Variants in UBAP1 observed in about 807,000 individuals in gnomAD.
UBAP1 encodes the protein ubiquitin-associated protein 1.
UBAP1 carries 5 observed loss-of-function variants against 39.0 expected under a neutral mutation model. The observed-to-expected ratio is 0.13, with a 90% CI of 0.07 to 0.27. The LOEUF (loss-of-function observed/expected upper bound fraction) is 0.27. Ranked by LOEUF, UBAP1 falls within the 10% of genes least tolerant of loss-of-function variation. The pLI is 1.00. For synonymous variants in UBAP1, 211 were observed against 225.1 expected, an observed-to-expected ratio of 0.94 and a Z score of 0.56; for missense variants, 490 against 608.1, an observed-to-expected ratio of 0.81 and a Z score of 2.04.
chr9:34,185,378 C>G (rs62556563), intron 1 of UBAP1, among the ~76,000 whole-genome samples: 1 of 152,126 alleles, frequency 6.6e-6, no homozygotes, highest in African/African-American at 2.4e-5. Flanking sequence ...TGAGACCTGT[C>G]TCTACAGAAG....
chr9:34,199,923 G>C (rs920266186), intron 1 of UBAP1, among the ~76,000 whole-genome samples: 3 of 151,236 alleles, frequency 2.0e-5, no homozygotes, highest in African/African-American at 7.3e-5. Flanking sequence ...TGAGATTACA[G>C]GTGTGAACCA....
At chr9:34,187,328 A>G (rs151160812) in intron 1 of UBAP1, among the ~76,000 whole-genome samples, 10 of 152,296 alleles carry the variant, frequency 6.6e-5, no homozygotes, top group African/African-American at 2.2e-4. Context: ...TTTATTTCCA[A>G]TATTTGCTTG....
chr9:34,197,211 C>T (rs887856291), intron 1 of UBAP1, among the ~76,000 whole-genome samples: 3 of 151,596 alleles, frequency 2.0e-5, no homozygotes, highest in African/African-American at 7.3e-5. Flanking sequence ...CAGATGTGAG[C>T]CACTGTGCCC....
rs1834028700 is a variant in UBAP1 at position 34,242,827 on chromosome 9, C to T, written c.1083+719C>T. Among the ~76,000 whole-genome samples the T allele has an allele frequency of 2.0e-5, 3 of 152,242 alleles. No homozygotes were observed. The South Asian group carries it at 6.2e-4, about 32-fold the overall frequency. ...GGGGTGAGCCGCTGTGTCCGGCCAG[C>T]TTACAGATTTTTTAATGTAAAAGCA... is the stretch of plus-strand genomic sequence containing the variant. On this transcript the variant is annotated intron_variant, in intron 4 of 6. Coordinates refer to ENST00000297661, the MANE Select transcript of UBAP1 (RefSeq NM_016525.5).
chr9:34,212,178 G>A (rs1832054354), intron 1 of UBAP1: 2 of 189,348 alleles, frequency 1.1e-5, no homozygotes. Context: ...TACATTAGTG[G>A]CAAACATTTC....
chr9:34,230,942 C>T (rs2131601019), intron 2 of UBAP1, among the ~76,000 whole-genome samples: 1 of 151,986 alleles, frequency 6.6e-6, no homozygotes, highest in South Asian at 2.1e-4. Context: ...ATTTGAGAGG[C>T]CGAGGCGGGA....
Position 34,242,089 on chromosome 9 carries a change from C to G in UBAP1, c.1064C>G (p.Pro355Arg), listed in dbSNP as rs1290140743. The change falls in exon 4 of 7, where the codon CCT (proline) becomes CGT (arginine). Residue 355 changes from proline (P) to arginine (R), a missense_variant. Physicochemically the swap from Pro to Arg is moderately radical, Grantham distance 103. Coordinates refer to ENST00000297661, the MANE Select transcript of UBAP1 (RefSeq NM_016525.5). The part of the protein sequence containing the change: ...VLSVCTEESS[P>R]PNTGPTVTPP... The stretch of plus-strand genomic sequence containing the variant: ...TCTGTGTGCACAGAGGAATCATCAC[C>G]TCCAAATACTGGTCCCACGGTAAGT... The G allele has an allele frequency of 6.9e-6, 11 of 1,597,102 alleles. No homozygotes were observed. The highest frequency in any genetic ancestry group is 1.3e-5 in the African/African-American group (1 of 74,594).
chr9:34,203,322 G>C (rs373946568), intron 1 of UBAP1, among the ~76,000 whole-genome samples: 1 of 152,096 alleles, frequency 6.6e-6, no homozygotes, highest in African/African-American at 2.4e-5. Flanking sequence ...TAAAAACAAG[G>C]ATCAACAAAA....
At chr9:34,237,721 C>T (rs1347601987) in intron 3 of UBAP1, among the ~76,000 whole-genome samples, 1 of 152,002 alleles carries the variant, frequency 6.6e-6, no homozygotes, top group Non-Finnish European at 1.5e-5. Flanking sequence ...GCATGCACCA[C>T]CATGCCTGGC....
At chr9:34,203,664 A>T (rs980359509) in intron 1 of UBAP1, among the ~76,000 whole-genome samples, 2 of 152,250 alleles carry the variant, frequency 1.3e-5, no homozygotes, top group African/African-American at 4.8e-5. Flanking sequence ...TAAATATTTA[A>T]TAGAACTTTA....
At chr9:34,197,117 G>A (rs1344120118) in intron 1 of UBAP1, among the ~76,000 whole-genome samples, 2 of 151,972 alleles carry the variant, frequency 1.3e-5, no homozygotes, top group South Asian at 2.1e-4. Flanking sequence ...TAGTAGAGAC[G>A]GGGTTTCACT....
chr9:34,200,261 G>A (rs920052964), intron 1 of UBAP1, among the ~76,000 whole-genome samples: 5 of 152,152 alleles, frequency 3.3e-5, no homozygotes, highest in African/African-American at 1.2e-4. Context: ...GTCCCACATT[G>A]ATTTATTTTG....
rs1834553093 is a variant in UBAP1 at position 34,251,824 on chromosome 9, C to T, written c.*292C>T. 4.2e-6 allele frequency: 1 copy of T among 239,112 alleles called. No homozygotes were observed. The highest frequency in any genetic ancestry group is 8.4e-6 in the Non-Finnish European group (1 of 119,596). The allele number at this position is 239,112 out of a possible 1,614,324, so 14.8% of individuals were successfully genotyped here. On this transcript the variant is annotated 3_prime_UTR_variant, in exon 7 of 7. Coordinates refer to ENST00000297661, the MANE Select transcript of UBAP1 (RefSeq NM_016525.5). ...AGCCCTCCGGAGAGACTACCCTAGTCTTTCTGGGGTGTTTATGTCCTCAGC... is the reference window on the plus strand; with the variant it reads ...AGCCCTCCGGAGAGACTACCCTAGTTTTTCTGGGGTGTTTATGTCCTCAGC...
intron 4 of UBAP1, among the ~76,000 whole-genome samples, chr9:34,248,331 G>A (rs1238566093): frequency 6.6e-6 from 1 of 152,168 alleles, no homozygotes; most frequent in Non-Finnish European, 1.5e-5. Context: ...ACCGCACCTG[G>A]CTAGATATGA....
intron 1 of UBAP1, among the ~76,000 whole-genome samples, chr9:34,188,002 G>A (rs1322337817): frequency 6.7e-6 from 1 of 150,172 alleles, no homozygotes; most frequent in Non-Finnish European, 1.5e-5. Flanking sequence ...TTTTCAATGA[G>A]AAGACTAGTG....
intron 3 of UBAP1, among the ~76,000 whole-genome samples, chr9:34,235,709 A>G (rs1833663658): frequency 6.6e-6 from 1 of 152,120 alleles, no homozygotes; most frequent in South Asian, 2.1e-4. Flanking sequence ...GTACTACTGT[A>G]CAGTAATGTC....
chr9:34,212,689 A>G (rs1252840410), intron 1 of UBAP1, among the ~76,000 whole-genome samples: 1 of 149,502 alleles, frequency 6.7e-6, no homozygotes, highest in Non-Finnish European at 1.5e-5. Context: ...CAGACCAATA[A>G]CAAGCAGCAA....
At chr9:34,231,954 ACT>A (rs1193399956) in intron 2 of UBAP1, among the ~76,000 whole-genome samples, 1 of 151,700 alleles carries the variant, frequency 6.6e-6, no homozygotes, top group East Asian at 1.9e-4. Context: ...TCTTGCTCAG[ACT>A]CTCTGAAGGG....
chr9:34,250,308 T>C (rs1383925507), intron 5 of UBAP1, among the ~76,000 whole-genome samples: 1 of 152,214 alleles, frequency 6.6e-6, no homozygotes, highest in Non-Finnish European at 1.5e-5. Flanking sequence ...AGTGTTGAAT[T>C]AGGGTACTGG....
Sources: allele counts gnomAD v4.1 joint callset (sites outside exome capture counted in the v4.1 genomes callset), GRCh38; gene constraint gnomAD v4.1.1; transcripts MANE v1.5; gene names NCBI Gene and HGNC (gene_info 2026-07-23, HGNC 2026-07-21).